DUSP8: variants seen among roughly 807,000 people sequenced by gnomAD.
The protein encoded by DUSP8 is dual specificity protein phosphatase 8.
In DUSP8, 15 loss-of-function variants were observed where a neutral mutation model predicts 38.7. The observed-to-expected ratio is 0.39, with a 90% CI of 0.26 to 0.60. The LOEUF (loss-of-function observed/expected upper bound fraction) is 0.60. DUSP8 is among the 20% of genes least tolerant of loss of function. The pLI, the probability that DUSP8 is intolerant of heterozygous loss-of-function variation, is 0.56. For missense variants in DUSP8, 768 were observed against 915.0 expected (o/e 0.84, Z 2.07); for synonymous variants, 458 against 433.9 (o/e 1.06, Z -0.69).
chr11:1,562,967 C>T (rs911593809), intron 3 of DUSP8, among the ~76,000 whole-genome samples: 3 of 152,182 alleles, frequency 2.0e-5, no homozygotes, highest in African/African-American at 7.2e-5. Flanking sequence ...AAGCGGCTGC[C>T]ACCCCTTCAT....
chr11:1,569,391 C>T (rs200436022), intron 1 of DUSP8, among the ~76,000 whole-genome samples: 1 of 152,106 alleles, frequency 6.6e-6, no homozygotes, highest in Non-Finnish European at 1.5e-5. Context: ...CCAGAACACA[C>T]CTCTTTGCAC....
At position 1,563,908 on chromosome 11, in the gene DUSP8, G is replaced by A. The variant is rs1194801197; in HGVS notation, c.313C>T (p.Leu105Phe). The change falls in exon 3 of 7, where the codon CTC (leucine) becomes TTC (phenylalanine). Residue 105 changes from leucine (L) to phenylalanine (F), a missense_variant. Coordinates refer to ENST00000397374, the MANE Select transcript of DUSP8 (RefSeq NM_004420.3). ...DASVLAADSF[L>F]SILLSKLDGC... Reference sequence around the variant, plus strand: ...TCCAGCTTGCTCAGCAGGATGGAGAGGAAGCTGTCTGCGGCCAGCACGCTG... The same window carrying A: ...TCCAGCTTGCTCAGCAGGATGGAGAAGAAGCTGTCTGCGGCCAGCACGCTG... 1.3e-6 allele frequency: 2 copies of A among 1,551,638 alleles called. No individual in the cohort carries two copies. Among genetic ancestry groups the A allele is most frequent in the Admixed American group, 1.9e-5 (1 of 51,498 alleles).
Position 1,555,488 on chromosome 11 carries a change from A to AG in DUSP8, c.*1029dup, listed in dbSNP as rs1848607421. On this transcript the variant is annotated 3_prime_UTR_variant, in exon 7 of 7. Transcript: ENST00000397374. Reference sequence around the variant, plus strand: ...AAGTTCTGCCTGGGGCATGGCTGGGAGGGGGGCGGGGCAGACCTGGAACAG... The same window carrying AG: ...AAGTTCTGCCTGGGGCATGGCTGGGAGGGGGGGCGGGGCAGACCTGGAACAG... 3.4e-6 allele frequency: 2 copies of AG among 591,844 alleles called. No individual in the cohort carries two copies. The highest frequency in any genetic ancestry group is 7.6e-5 in the South Asian group (1 of 13,092). The allele number at this position is 591,844 out of a possible 1,614,324, so 36.7% of individuals were successfully genotyped here.
chr11:1,561,844 G>A (rs1848721895), intron 3 of DUSP8, among the ~76,000 whole-genome samples: 1 of 152,162 alleles, frequency 6.6e-6, no homozygotes, highest in Non-Finnish European at 1.5e-5. Flanking sequence ...CACTCTCCCT[G>A]GTTCTTCGCA....
chr11:1,567,316 G>A (rs937610776), intron 1 of DUSP8, among the ~76,000 whole-genome samples: 1 of 152,214 alleles, frequency 6.6e-6, no homozygotes, highest in Non-Finnish European at 1.5e-5. Context: ...GGGGGGAGGC[G>A]CCCTGAGGAC....
At chr11:1,568,138 C>T (rs1167924362) in intron 1 of DUSP8, among the ~76,000 whole-genome samples, 6 of 152,296 alleles carry the variant, frequency 3.9e-5, no homozygotes, top group South Asian at 2.1e-4. Context: ...TGTCCTCATC[C>T]GTTAAGTGGG....
In DUSP8 at chr11:1,572,008, G is replaced by A. The variant is rs1412111831; in HGVS notation, c.-216C>T. On this transcript the variant is annotated 5_prime_UTR_variant, in exon 1 of 7. Coordinates refer to ENST00000397374, the MANE Select transcript of DUSP8 (RefSeq NM_004420.3). The surrounding 1 kb of genome is among the most constrained non-coding windows in gnomAD (Gnocchi z 4.7). ...GGCGGGGGCCCGCGCAGCCGGGGCA[G>A]GGGCCGGGGGAGCGCGCGGGCCGCG... 2 of 145,704 alleles carry A rather than the reference G, an allele frequency of 1.4e-5. No individual in the cohort carries two copies. The highest frequency in any genetic ancestry group is 4.9e-5 in the African/African-American group (2 of 40,690). The allele number at this position is 145,704 out of a possible 1,614,324, so 9.0% of individuals were successfully genotyped here.
chr11:1,570,603 G>T (rs1848873315), intron 1 of DUSP8, among the ~76,000 whole-genome samples: 1 of 147,850 alleles, frequency 6.8e-6, no homozygotes. Context: ...GAGGACAGAG[G>T]ATACCAGGGG....
chr11:1,569,166 G>T (rs550521202), intron 1 of DUSP8, among the ~76,000 whole-genome samples: 8 of 152,152 alleles, frequency 5.3e-5, no homozygotes, highest in Non-Finnish European at 1.0e-4. Context: ...GGGTTGGGGG[G>T]TGAGAGGCAG....
rs1222654150 is a variant in DUSP8, at chr11:1,557,883, G to A, written c.732C>T (p.Val244=). 9.3e-6 allele frequency: 15 copies of A among 1,613,908 alleles called. No homozygotes were observed. Among genetic ancestry groups the A allele is most frequent in the Non-Finnish European group, 1.3e-5 (15 of 1,180,030 alleles). Residue 244 remains valine (V), a synonymous_variant, in exon 6 of 7, where the codon GTC becomes GTT. Transcript: ENST00000397374. The surrounding 1 kb of genome is among the most constrained non-coding windows in gnomAD (Gnocchi z 9.9). ...KAKLSSCQVI[V]HCLAGISRSA... ...AGCGGGAGATGCCAGCCAGACAGTGGACGATGACTTGGCAGCTGGAGAGCT... is the reference window on the plus strand; with the variant it reads ...AGCGGGAGATGCCAGCCAGACAGTGAACGATGACTTGGCAGCTGGAGAGCT...
chr11:1,563,092 C>A (rs1474483004), intron 3 of DUSP8, among the ~76,000 whole-genome samples: 1 of 152,136 alleles, frequency 6.6e-6, no homozygotes, highest in Admixed American at 6.5e-5. Flanking sequence ...CCACAGTCCC[C>A]CATATCCTCT....
At chr11:1,572,532 C>T (rs1283031479), upstream of DUSP8, among the ~76,000 whole-genome samples, 1 of 151,834 alleles carries the variant, frequency 6.6e-6, no homozygotes, top group Non-Finnish European at 1.5e-5. This position sits in a 1 kb window ranked among gnomAD's most constrained non-coding sequence, Gnocchi z 4.7. Flanking sequence ...GTCCGGGACC[C>T]CGCCTCCAGG....
rs1848673068 is a variant in DUSP8, at chr11:1,558,667, GAGCCCTGCCGGGCCCTCCCGCA to G, written c.537+200_537+221del. ...CATGCCAGCTCCCCGCTCCTCCCCC[GAGCCCTGCCGGGCCCTCCCGCA>G]AGCCCTGCTGTGGTCCTTCCAGGGG... On this transcript the variant is annotated intron_variant, in intron 4 of 6. Transcript: ENST00000397374. The surrounding 1 kb of genome is among the most constrained non-coding windows in gnomAD (Gnocchi z 6.3). Among the ~76,000 whole-genome samples, 1 of 152,066 alleles carries G rather than the reference GAGCCCTGCCGGGCCCTCCCGCA, an allele frequency of 6.6e-6. No individual in the cohort carries two copies. The highest frequency in any genetic ancestry group is 1.5e-5 in the Non-Finnish European group (1 of 68,000).
At position 1,558,994 on chromosome 11, in the gene DUSP8, C is replaced by T. The variant is rs1027588212; in HGVS notation, c.432G>A (p.Leu144=). The change falls in exon 4 of 7, where the codon CTG becomes CTA. Residue 144 remains leucine, a synonymous_variant. Coordinates refer to ENST00000397374, the MANE Select transcript of DUSP8 (RefSeq NM_004420.3). This position sits in a 1 kb window ranked among gnomAD's most constrained non-coding sequence, Gnocchi z 6.3. The part of the protein sequence containing the change: ...PGLCEGKPAA[L]LPMSLSQPCL... ...AGGGCTGGGAGAGGCTCATGGGTAG[C>T]AGGGCAGCAGGCTTGCCCTCGCAGA... The T allele has an allele frequency of 6.2e-7, 1 of 1,611,842 alleles. No individual in the cohort carries two copies. The highest frequency in any genetic ancestry group is 8.5e-7 in the Non-Finnish European group (1 of 1,179,784).
At position 1,555,448 on chromosome 11, in the gene DUSP8, G is replaced by T; in HGVS notation, c.*1070C>A. ...TCACAGAGCCCCTCAGCCTGCAGGTGCACACCTGAATTCCAAGTTCTGCCT... is the reference window on the plus strand; with the variant it reads ...TCACAGAGCCCCTCAGCCTGCAGGTTCACACCTGAATTCCAAGTTCTGCCT... On this transcript the variant is annotated 3_prime_UTR_variant, in exon 7 of 7. Coordinates refer to ENST00000397374, the MANE Select transcript of DUSP8 (RefSeq NM_004420.3). 1.0e-6 allele frequency: 1 copy of T among 985,936 alleles called. No individual in the cohort carries two copies. The highest frequency in any genetic ancestry group is 1.1e-4 in the East Asian group (1 of 8,766). The allele number at this position is 985,936 out of a possible 1,614,324, so 61.1% of individuals were successfully genotyped here.
intron 3 of DUSP8, among the ~76,000 whole-genome samples, chr11:1,559,764 T>G (rs1848690073): frequency 2.6e-5 from 4 of 152,172 alleles, no homozygotes; most frequent in Admixed American, 2.6e-4. Context: ...GGGCACCCGC[T>G]GCACACGTGA....
Position 1,558,307 on chromosome 11 carries a change from G to C in DUSP8, c.538-36C>G. On this transcript the variant is annotated intron_variant, in intron 4 of 6. Transcript: ENST00000397374. This position sits in a 1 kb window ranked among gnomAD's most constrained non-coding sequence, Gnocchi z 6.3. Reference sequence around the variant, plus strand: ...GGGAGGGCGGGTTGGAAAGGGGTGGGAGAAGCTCGGGGCGGGAGTGAAGGT... The same window carrying C: ...GGGAGGGCGGGTTGGAAAGGGGTGGCAGAAGCTCGGGGCGGGAGTGAAGGT... 1 of 632,990 alleles carries C rather than the reference G, an allele frequency of 1.6e-6. No homozygotes were observed. The highest frequency in any genetic ancestry group is 2.7e-6 in the Non-Finnish European group (1 of 371,936). The allele number at this position is 632,990 out of a possible 1,614,324, so 39.2% of individuals were successfully genotyped here. A position where few individuals can be genotyped will look rare whatever the true frequency, so the allele number is the denominator to read the frequency against.
intron 1 of DUSP8, among the ~76,000 whole-genome samples, chr11:1,566,881 G>A (rs1848813146): frequency 6.6e-6 from 1 of 152,070 alleles, no homozygotes; most frequent in Non-Finnish European, 1.5e-5. Context: ...TGGAGTCTCC[G>A]GAAGCCCCTC....
chr11:1,570,915 G>A (rs999898508), intron 1 of DUSP8, among the ~76,000 whole-genome samples: 1 of 152,024 alleles, frequency 6.6e-6, no homozygotes, highest in African/African-American at 2.4e-5. Flanking sequence ...GGCACAAAAG[G>A]AGCTTCCCTG....
Sources: gnomAD v4.1 joint callset for allele counts (sites outside exome capture counted in the v4.1 genomes callset) on GRCh38, gnomAD v4.1.1 for gene constraint, Gnocchi (gnomAD v3.1) non-coding constraint, MANE v1.5 for transcripts, NCBI Gene and HGNC (gene_info 2026-07-23, HGNC 2026-07-21) for gene names.